Variants in KLHL29 observed in about 807,000 individuals in gnomAD.
The protein encoded by KLHL29 is kelch like family member 29.
In KLHL29, 21 loss-of-function variants were observed where a neutral mutation model predicts 80.4. That is an observed-to-expected ratio of 0.26 (90% CI 0.19 to 0.38). The LOEUF (loss-of-function observed/expected upper bound fraction) is 0.38. Among genes scored for constraint, KLHL29 ranks in the 10% least tolerant of loss-of-function variants. The pLI, the probability that KLHL29 is intolerant of heterozygous loss-of-function variation, is 1.00. For synonymous variants in KLHL29, 511 were observed against 526.8 expected (o/e 0.97, Z 0.41); for missense variants, 867 against 1,223.9 (o/e 0.71, Z 4.35).
chr2:23,610,749 A>G (rs1668838082), intron 3 of KLHL29, among the ~76,000 whole-genome samples: 1 of 152,244 alleles, frequency 6.6e-6, no homozygotes, highest in Admixed American at 6.5e-5. Flanking sequence ...TCAATTCACT[A>G]CAGAAACTGG....
Position 23,469,779 on chromosome 2 carries a change from G to A in KLHL29, c.-153-5781G>A, listed in dbSNP as rs576633645. Reference sequence around the variant, plus strand: ...ACGTGCCAGGTGGGTCCTCCCTGCCGACATCTTCAGTGCTGCTGTGGGTGA... The same window carrying A: ...ACGTGCCAGGTGGGTCCTCCCTGCCAACATCTTCAGTGCTGCTGTGGGTGA... On this transcript the variant is annotated intron_variant, in intron 1 of 13. Transcript: ENST00000486442. 1.4e-3 allele frequency among the ~76,000 whole-genome samples: 213 copies of A among 152,228 alleles called. 2 individuals carry two copies. The highest frequency in any genetic ancestry group is 4.9e-3 in the African/African-American group (203 of 41,534).
At chr2:23,463,908 C>T (rs1355400609) in intron 1 of KLHL29, among the ~76,000 whole-genome samples, 1 of 152,232 alleles carries the variant, frequency 6.6e-6, no homozygotes, top group Non-Finnish European at 1.5e-5. Flanking sequence ...TTAACAATCA[C>T]AGTCACTAAT....
intron 3 of KLHL29, among the ~76,000 whole-genome samples, chr2:23,626,668 A>AG (rs1341643757): frequency 2.0e-5 from 3 of 152,134 alleles, no homozygotes; most frequent in Non-Finnish European, 4.4e-5. Flanking sequence ...GTGGGGTGGG[A>AG]GGGGGGCCGC....
At chr2:23,617,851 G>A (rs1397494950) in intron 3 of KLHL29, 1 of 152,196 alleles carries the variant, frequency 6.6e-6, no homozygotes, top group Non-Finnish European at 1.5e-5. Flanking sequence ...CATTTTTGCT[G>A]TTGTGGGTAA....
At chr2:23,502,121 T>G (rs1653763) in intron 2 of KLHL29, among the ~76,000 whole-genome samples, 76,981 of 151,822 alleles carry the variant, frequency 0.51, 20,451 homozygotes, top group African/African-American at 0.59. Flanking sequence ...CCGGGAGGTT[T>G]TCTGAAGTCT....
At chr2:23,505,756 C>A (rs914789027) in intron 2 of KLHL29, among the ~76,000 whole-genome samples, 2 of 152,248 alleles carry the variant, frequency 1.3e-5, no homozygotes, top group African/African-American at 4.8e-5. Context: ...AAGGCACCCC[C>A]ATACCAGTGT....
In KLHL29 at chr2:23,520,817, T is replaced by A. The variant is rs78291796; in HGVS notation, c.-45-41335T>A. Among the ~76,000 whole-genome samples, 1,482 of 152,320 alleles carry A rather than the reference T, an allele frequency of 9.7e-3. 22 individuals carry two copies. The highest frequency in any genetic ancestry group is 0.033 in the African/African-American group (1,380 of 41,568). On this transcript the variant is annotated intron_variant, in intron 2 of 13. Transcript: ENST00000486442. ...ATTTTAACAAAAGGAACCACAGTCA[T>A]CGTAATGAGATCCCCGAATAAAGTT...
rs140795407 is a variant in KLHL29, at chr2:23,456,325, T to C, written c.-153-19235T>C. On this transcript the variant is annotated intron_variant, in intron 1 of 13. Transcript: ENST00000486442. ...AATGGGGCAGTGACAGCAATGGGAC[T>C]GAGAGGGAGCCACCTCCACAGAACC... 1.6e-3 allele frequency among the ~76,000 whole-genome samples: 237 copies of C among 152,324 alleles called. 2 individuals carry two copies. The highest frequency in any genetic ancestry group is 5.5e-3 in the African/African-American group (230 of 41,582).
At chr2:23,488,029 A>G (rs1476430234) in intron 2 of KLHL29, among the ~76,000 whole-genome samples, 6 of 152,174 alleles carry the variant, frequency 3.9e-5, no homozygotes, top group Non-Finnish European at 8.8e-5. Flanking sequence ...CAGGACTGGC[A>G]GATGCGTGGC....
chr2:23,389,691 A>G (rs1272110961), intron 1 of KLHL29, among the ~76,000 whole-genome samples: 1 of 150,854 alleles, frequency 6.6e-6, no homozygotes, highest in Non-Finnish European at 1.5e-5. Flanking sequence ...TAGTCTCAGA[A>G]AAAAAAAAGG....
chr2:23,583,307 C>T (rs932106457), intron 3 of KLHL29, among the ~76,000 whole-genome samples: 6 of 152,332 alleles, frequency 3.9e-5, no homozygotes, highest in Non-Finnish European at 1.5e-5. Context: ...GGTCCATCCG[C>T]GTGGGACTGG....
rs1238989507 is a variant in KLHL29, at chr2:23,691,829, G to A, written c.1235G>A (p.Ser412Asn). ...ANAKTLLEAA[S>N]KFQFHTFCKV... The stretch of plus-strand genomic sequence containing the variant: ...GCCAAGACACTGCTGGAGGCGGCCA[G>A]CAAGTTCCAGTTCCACACCTTCTGC... The change falls in exon 7 of 14, where the codon AGC becomes AAC. Residue 412 changes from serine to asparagine, a missense_variant. Transcript: ENST00000486442. 1 of 1,551,424 alleles carries A rather than the reference G, an allele frequency of 6.4e-7. No individual in the cohort carries two copies. Among genetic ancestry groups the A allele is most frequent in the African/African-American group, 1.4e-5 (1 of 73,040 alleles).
intron 2 of KLHL29, among the ~76,000 whole-genome samples, chr2:23,477,184 C>T (rs10175479): frequency 7.9e-5 from 12 of 152,136 alleles, no homozygotes; most frequent in East Asian, 1.9e-4. Flanking sequence ...TATTCTCAGC[C>T]GCCCACCCTC....
intron 2 of KLHL29, among the ~76,000 whole-genome samples, chr2:23,524,901 C>G (rs1302580341): frequency 4.6e-5 from 7 of 152,202 alleles, no homozygotes; most frequent in Middle Eastern, 3.2e-3. Context: ...TCATGGGGAT[C>G]TTAAAAGTAA....
chr2:23,554,487 C>T (rs896459559), intron 2 of KLHL29, among the ~76,000 whole-genome samples: 9 of 152,174 alleles, frequency 5.9e-5, no homozygotes, highest in Admixed American at 2.0e-4. Context: ...CACAGCCGGC[C>T]GCCCACTCCT....
intron 1 of KLHL29, among the ~76,000 whole-genome samples, chr2:23,415,185 G>A (rs1016965303): frequency 3.3e-5 from 5 of 152,178 alleles, no homozygotes; most frequent in Admixed American, 1.3e-4. Flanking sequence ...AGTGTGTGTC[G>A]GTGCGTCCTG....
At chr2:23,387,383 C>T (rs1350053685) in intron 1 of KLHL29, among the ~76,000 whole-genome samples, 7 of 152,200 alleles carry the variant, frequency 4.6e-5, no homozygotes. Flanking sequence ...TCTGTCTAGT[C>T]ACTACAGAGT....
At chr2:23,546,410 G>A (rs1666980579) in intron 2 of KLHL29, among the ~76,000 whole-genome samples, 1 of 152,210 alleles carries the variant, frequency 6.6e-6, no homozygotes, top group Admixed American at 6.5e-5. Context: ...CAAGAGCTGA[G>A]CTGGAGGAGG....
intron 2 of KLHL29, among the ~76,000 whole-genome samples, chr2:23,515,002 A>G (rs1041503826): frequency 6.6e-6 from 1 of 152,180 alleles, no homozygotes; most frequent in African/African-American, 2.4e-5. Flanking sequence ...CCTAAAAACT[A>G]GGGTTCATCT....
Sources: gnomAD v4.1 joint callset for allele counts (sites outside exome capture counted in the v4.1 genomes callset) on GRCh38, gnomAD v4.1.1 for gene constraint, MANE v1.5 for transcripts, NCBI Gene and HGNC (gene_info 2026-07-23, HGNC 2026-07-21) for gene names.